Variants in ACSM2A observed in about 807,000 individuals in gnomAD.
ACSM2A encodes the protein acyl-CoA synthetase medium chain family member 2A.
ACSM2A carries 72 observed loss-of-function variants against 76.6 expected under a neutral mutation model. The observed-to-expected ratio is 0.94, with a 90% CI of 0.78 to 1.14. ACSM2A has a LOEUF of 1.14. ACSM2A is among the 50% of genes most tolerant of loss of function. The probability of loss-of-function intolerance (pLI) is 0.00; values close to 1 mark genes in which losing one functional copy is unlikely to be tolerated. For synonymous variants in ACSM2A, 249 were observed against 255.9 expected (o/e 0.97, Z 0.26); for missense variants, 684 against 708.5 (o/e 0.97, Z 0.39).
At chr16:20,458,605 T>C (rs2012356730) in intron 1 of ACSM2A, among the ~76,000 whole-genome samples, 1 of 143,858 alleles carries the variant, frequency 7.0e-6, no homozygotes, top group Admixed American at 7.2e-5. Flanking sequence ...TTTTTATATA[T>C]ATATATATGT....
At chr16:20,452,989 T>C (rs1266215395) in intron 1 of ACSM2A, among the ~76,000 whole-genome samples, 2 of 151,946 alleles carry the variant, frequency 1.3e-5, no homozygotes, top group Non-Finnish European at 2.9e-5. Context: ...GTGGATAAAG[T>C]GATGAAAGAA....
intron 1 of ACSM2A, among the ~76,000 whole-genome samples, chr16:20,458,780 G>A (rs866793867): frequency 1.4e-5 from 2 of 140,948 alleles, no homozygotes; most frequent in Non-Finnish European, 3.1e-5. Context: ...CAGGAGTGTG[G>A]CAATGTATAT....
chr16:20,458,333 A>G (rs1226712579), intron 1 of ACSM2A, among the ~76,000 whole-genome samples: 1 of 147,662 alleles, frequency 6.8e-6, no homozygotes, highest in Non-Finnish European at 1.5e-5. Flanking sequence ...ATATCTATAT[A>G]TACTATATAT....
intron 4 of ACSM2A, 30 bp from the exon 5 acceptor site, chr16:20,471,043 T>A: frequency 6.2e-7 from 1 of 1,611,792 alleles, no homozygotes; most frequent in Non-Finnish European, 8.5e-7. Flanking sequence ...AGTCTAGCTC[T>A]GAAAAAATGA....
chr16:20,467,935 C>G (rs1167288759), intron 3 of ACSM2A, among the ~76,000 whole-genome samples: 1 of 151,978 alleles, frequency 6.6e-6, no homozygotes, highest in Non-Finnish European at 1.5e-5. Context: ...TTGCACACAG[C>G]CTAATCCCAA....
intron 13 of ACSM2A, 81 bp from the exon 14 acceptor site, chr16:20,486,493 C>T (rs751559256): frequency 4.0e-5 from 60 of 1,504,880 alleles, no homozygotes; most frequent in Non-Finnish European, 5.5e-5. Context: ...AAGAACTTCC[C>T]CTCACCCTAC....
chr16:20,473,863 C>T (rs1246387599), intron 6 of ACSM2A: 12 of 335,220 alleles, frequency 3.6e-5, no homozygotes, highest in Non-Finnish European at 6.3e-5. Flanking sequence ...TGTCTAAAGC[C>T]TAGTGCCAGT....
intron 2 of ACSM2A, among the ~76,000 whole-genome samples, chr16:20,464,247 G>C (rs906700240): frequency 4.3e-4 from 65 of 152,232 alleles, no homozygotes; most frequent in African/African-American, 1.5e-3. Context: ...CCATGACCTA[G>C]TTCCAGAGTT....
intron 3 of ACSM2A, among the ~76,000 whole-genome samples, chr16:20,468,312 C>T (rs2013139984): frequency 6.6e-6 from 1 of 152,162 alleles, no homozygotes; most frequent in Non-Finnish European, 1.5e-5. Flanking sequence ...ACAGGACAGG[C>T]ATGTGGTTTA....
chr16:20,474,431 G>A (rs553423053), intron 6 of ACSM2A, among the ~76,000 whole-genome samples: 9 of 152,114 alleles, frequency 5.9e-5, no homozygotes, highest in Non-Finnish European at 1.3e-4. Flanking sequence ...GTGATGCCCC[G>A]ACCCTCCTTG....
chr16:20,481,073 T>G, intron 12 of ACSM2A, 152 bp downstream of exon 12: 1 of 959,494 alleles, frequency 1.0e-6, no homozygotes, highest in Non-Finnish European at 1.5e-6. Flanking sequence ...GGCAAGCTAC[T>G]TGGCCTCTCT....
At chr16:20,480,201 T>G (rs4277329) in intron 10 of ACSM2A, among the ~76,000 whole-genome samples, 133 of 152,062 alleles carry the variant, frequency 8.7e-4, no homozygotes, top group African/African-American at 2.5e-3. Context: ...GCTAAGAAAA[T>G]TACCTAATCA....
intron 5 of ACSM2A, 68 bp from the exon 6 acceptor site, chr16:20,471,468 C>T (rs2271062): frequency 6.0e-5 from 93 of 1,548,554 alleles, no homozygotes; most frequent in Non-Finnish European, 8.0e-5. Context: ...CTCCCCTACA[C>T]CTTAGTGTCC....
chr16:20,477,103 C>T (rs2013788288), intron 8 of ACSM2A: 1 of 434,384 alleles, frequency 2.3e-6, no homozygotes, highest in Non-Finnish European at 3.7e-6. Context: ...AATGTGGTTC[C>T]CCCTAAAAGA....
chr16:20,478,576 A>G lies in ACSM2A; in HGVS notation c.1180A>G (p.Ile394Val), dbSNP rs200201528. Residue 394 changes from isoleucine (I) to valine (V), a missense_variant and splice_region_variant, in exon 10 of 14, where the codon ATC becomes GTC. Around this residue, in one of 3 missense-constraint regions of ACSM2A, gnomAD observed 519 missense variants for 549.5 expected, o/e 0.94. Transcript: ENST00000573854. ...TCTTCCAATCTGCTTCTTTCTCCAG[A>G]TCATAGATGATAAGGGCAACGTCCT... is the stretch of plus-strand genomic sequence containing the variant. ...GTAASCYDVQ[I>V]IDDKGNVLPP... 6.8e-6 allele frequency: 11 copies of G among 1,613,292 alleles called. No individual in the cohort carries two copies. Among genetic ancestry groups the G allele is most frequent in the Non-Finnish European group, 8.5e-6 (10 of 1,179,500 alleles).
chr16:20,459,283 C>A (rs774568684), intron 1 of ACSM2A, among the ~76,000 whole-genome samples: 3 of 151,988 alleles, frequency 2.0e-5, no homozygotes, highest in African/African-American at 4.8e-5. Flanking sequence ...TATATAGAAA[C>A]AACAATTATG....
intron 3 of ACSM2A, among the ~76,000 whole-genome samples, chr16:20,468,176 T>C (rs1421726242): frequency 6.6e-6 from 1 of 152,134 alleles, no homozygotes; most frequent in East Asian, 1.9e-4. Context: ...GATGTGTCTA[T>C]TGTTCTGTGT....
At chr16:20,452,137 A>G (rs962901987) in intron 1 of ACSM2A, 1 of 151,612 alleles carries the variant, frequency 6.6e-6, no homozygotes, top group Non-Finnish European at 1.5e-5. Context: ...CTGAGTGTCA[A>G]TTGATTGAAT....
chr16:20,477,591 T>G, intron 9 of ACSM2A, 142 bp downstream of exon 9: 1 of 1,418,508 alleles, frequency 7.0e-7, no homozygotes, highest in Non-Finnish European at 9.3e-7. Context: ...GGTAGGGAGG[T>G]TGGGGGAAGG....
Sources: gnomAD v4.1 joint callset for allele counts (sites outside exome capture counted in the v4.1 genomes callset) on GRCh38, gnomAD v4.1.1 for gene constraint, gnomAD v4.1.1 regional missense constraint, MANE v1.5 for transcripts, NCBI Gene and HGNC (gene_info 2026-07-23, HGNC 2026-07-21) for gene names.